Variants in FUBP3 observed in about 807,000 individuals in gnomAD.
FUBP3 encodes far upstream element-binding protein 3.
FUBP3 carries 28 observed loss-of-function variants against 85.6 expected under a neutral mutation model. That is an observed-to-expected ratio of 0.33 (90% CI 0.24 to 0.45). The LOEUF (loss-of-function observed/expected upper bound fraction) is 0.45. FUBP3 is among the 20% of genes least tolerant of loss of function. The pLI is 1.00. For missense variants in FUBP3, 583 were observed against 755.1 expected, an observed-to-expected ratio of 0.77 and a Z score of 2.67; for synonymous variants, 271 against 271.4, an observed-to-expected ratio of 1.00 and a Z score of 0.01.
chr9:130,636,376 A>G (rs1830420709), intron 18 of FUBP3, among the ~76,000 whole-genome samples: 1 of 152,246 alleles, frequency 6.6e-6, no homozygotes, highest in East Asian at 1.9e-4. Context: ...AAGTGCCTGA[A>G]CTTTCCTCAA....
intron 5 of FUBP3, 126 bp downstream of exon 5, chr9:130,613,153 G>A: frequency 3.1e-6 from 2 of 642,768 alleles, no homozygotes; most frequent in East Asian, 5.5e-5. Context: ...TGCACTTTGG[G>A]AGTTGGACTC....
At chr9:130,599,342 C>T (rs1179840333) in intron 2 of FUBP3, among the ~76,000 whole-genome samples, 1 of 135,262 alleles carries the variant, frequency 7.4e-6, no homozygotes, top group African/African-American at 3.0e-5. Flanking sequence ...CACATATATA[C>T]ACATATATAT....
chr9:130,616,715 A>G lies in FUBP3; in HGVS notation c.567+198A>G, dbSNP rs746893780. 5.9e-5 allele frequency among the ~76,000 whole-genome samples: 9 copies of G among 152,184 alleles called. No individual in the cohort carries two copies. Among genetic ancestry groups the G allele is most frequent in the Non-Finnish European group, 1.3e-4 (9 of 68,014 alleles). ...CACGTCTGATGCCAAATATGATGCC[A>G]AGTACTAGGGCAGGTGTGCCCTATC... On this transcript the variant is annotated intron_variant, in intron 7 of 18. Transcript: ENST00000319725. The surrounding 1 kb of genome is among the most constrained non-coding windows in gnomAD (Gnocchi z 4.7).
intron 1 of FUBP3, among the ~76,000 whole-genome samples, chr9:130,584,476 C>T (rs551710221): frequency 1.3e-5 from 2 of 151,228 alleles, no homozygotes; most frequent in Non-Finnish European, 2.9e-5. Flanking sequence ...TGCAGTGAGC[C>T]GAGATCGTGC....
chr9:130,627,812 G>A (rs1234858128), intron 12 of FUBP3, among the ~76,000 whole-genome samples: 1 of 152,150 alleles, frequency 6.6e-6, no homozygotes, highest in African/African-American at 2.4e-5. Context: ...TATTTTGTCG[G>A]CGAAGTTTTC....
At chr9:130,620,898 C>G (rs140398832) in intron 9 of FUBP3, among the ~76,000 whole-genome samples, 117 of 152,226 alleles carry the variant, frequency 7.7e-4, no homozygotes, top group Non-Finnish European at 1.3e-3. Context: ...AAGACAGATA[C>G]AGAACAAATA....
In FUBP3 at chr9:130,612,554, TTCTC is replaced by T. The variant is rs752621968; in HGVS notation, c.274+53_274+56del. 9 of 1,165,096 alleles carry T rather than the reference TTCTC, an allele frequency of 7.7e-6. No homozygotes were observed. The South Asian group carries it at 8.9e-5, about 11-fold the overall frequency. The allele number at this position is 1,165,096 out of a possible 1,614,324, so 72.2% of individuals were successfully genotyped here. On this transcript the variant is annotated intron_variant, in intron 4 of 18. Coordinates refer to ENST00000319725, the MANE Select transcript of FUBP3 (RefSeq NM_003934.2). This position sits in a 1 kb window ranked among gnomAD's most constrained non-coding sequence, Gnocchi z 4.1. ...TTTCCCTGATTCCTGTCTCTTCTTT[TTCTC>T]TCTTTTTTTCTGAGCTGCTTTGCCA...
chr9:130,632,115 T>A (rs1830236438), intron 15 of FUBP3, 87 bp from the exon 16 acceptor site: 1 of 1,458,846 alleles, frequency 6.9e-7, no homozygotes, highest in Non-Finnish European at 9.6e-7. Context: ...GATGCTTGGC[T>A]GGGGTGAGGG....
chr9:130,596,725 T>C, intron 2 of FUBP3: 1 of 375,690 alleles, frequency 2.7e-6, no homozygotes, highest in Non-Finnish European at 5.4e-6. Flanking sequence ...GAATAAACCC[T>C]ATGTTAAGGT....
chr9:130,598,628 A>G (rs1248452724), intron 2 of FUBP3, among the ~76,000 whole-genome samples: 2 of 152,254 alleles, frequency 1.3e-5, no homozygotes, highest in Non-Finnish European at 2.9e-5. Context: ...CTAGGGAATC[A>G]CTAACACCAG....
At chr9:130,614,816 G>A (rs1003560600) in intron 6 of FUBP3, among the ~76,000 whole-genome samples, 1 of 152,288 alleles carries the variant, frequency 6.6e-6, no homozygotes, top group South Asian at 2.1e-4. Flanking sequence ...TCAGAGGGCC[G>A]TACGGACTGG....
At chr9:130,619,506 T>G (rs1829645824) in intron 8 of FUBP3, among the ~76,000 whole-genome samples, 1 of 152,224 alleles carries the variant, frequency 6.6e-6, no homozygotes, top group Non-Finnish European at 1.5e-5. Flanking sequence ...AAAACTGTAC[T>G]TCTGAAACAT....
intron 2 of FUBP3, among the ~76,000 whole-genome samples, chr9:130,602,036 G>A (rs190806050): frequency 2.0e-5 from 3 of 151,992 alleles, no homozygotes; most frequent in Admixed American, 2.0e-4. Context: ...TCCTGACCTC[G>A]TGATCCACCT....
At chr9:130,604,947 CTG>C in intron 2 of FUBP3, among the ~76,000 whole-genome samples, 1 of 151,022 alleles carries the variant, frequency 6.6e-6, no homozygotes, top group Non-Finnish European at 1.5e-5. Flanking sequence ...GTGAGAAAAA[CTG>C]TTTCCATCAG....
At chr9:130,591,661 C>T (rs187635986) in intron 1 of FUBP3, among the ~76,000 whole-genome samples, 27 of 152,290 alleles carry the variant, frequency 1.8e-4, no homozygotes, top group South Asian at 6.2e-4. Flanking sequence ...GCAGTTTCCT[C>T]ACTTCAGAGC....
At position 130,616,099 on chromosome 9, in the gene FUBP3, G is replaced by A. The variant is rs562924771; in HGVS notation, c.405-256G>A. Among the ~76,000 whole-genome samples, 1 of 151,972 alleles carries A rather than the reference G, an allele frequency of 6.6e-6. No homozygotes were observed. Among genetic ancestry groups the A allele is most frequent in the Admixed American group, 6.5e-5 (1 of 15,300 alleles). ...CACCTTTGTGGAGACACAAGCATGAGCAGAGGGCAGGCTTGAAAGGGGCGG... is the reference window on the plus strand; with the variant it reads ...CACCTTTGTGGAGACACAAGCATGAACAGAGGGCAGGCTTGAAAGGGGCGG... On this transcript the variant is annotated intron_variant, in intron 6 of 18. Coordinates refer to ENST00000319725, the MANE Select transcript of FUBP3 (RefSeq NM_003934.2). This position sits in a 1 kb window ranked among gnomAD's most constrained non-coding sequence, Gnocchi z 4.7.
intron 6 of FUBP3, among the ~76,000 whole-genome samples, chr9:130,614,768 T>C (rs1303221957): frequency 6.6e-6 from 1 of 152,196 alleles, no homozygotes; most frequent in African/African-American, 2.4e-5. Flanking sequence ...CTGATATTTG[T>C]GAACCAAATG....
rs145186166 is a variant in FUBP3 at position 130,636,833 on chromosome 9, G to A, written c.1711-181G>A. ...GGGCTGGTGGTGATGGAGGAGAAGC[G>A]TGGCTCCCACTGTCCGCTCTTCCCT... On this transcript the variant is annotated intron_variant, in intron 18 of 18. Transcript: ENST00000319725. Among the ~76,000 whole-genome samples, 110 of 152,226 alleles carry A rather than the reference G, an allele frequency of 7.2e-4. 1 individual carries two copies. The East Asian group carries it at 0.015, about 21-fold the overall frequency.
chr9:130,623,785 G>A, intron 11 of FUBP3, 74 bp downstream of exon 11: 2 of 873,060 alleles, frequency 2.3e-6, no homozygotes, highest in Non-Finnish European at 3.6e-6. Flanking sequence ...TCTCGGTGCA[G>A]CACCATAGAG....
Sources: gnomAD v4.1 joint callset for allele counts (sites outside exome capture counted in the v4.1 genomes callset) on GRCh38, gnomAD v4.1.1 for gene constraint, Gnocchi (gnomAD v3.1) non-coding constraint, MANE v1.5 for transcripts, NCBI Gene and HGNC (gene_info 2026-07-23, HGNC 2026-07-21) for gene names.